The following GRIN3A variants were observed in gnomAD, a reference collection of about 807,000 sequenced individuals.
GRIN3A encodes glutamate ionotropic receptor NMDA type subunit 3A.
In GRIN3A, 47 loss-of-function variants were observed where a neutral mutation model predicts 92.4. The ratio of observed to expected loss-of-function variants is 0.51; its 90% CI spans 0.40 to 0.65. The LOEUF (loss-of-function observed/expected upper bound fraction) is 0.65, where lower values mean the gene tolerates loss of function less well. Ranked by LOEUF, GRIN3A falls within the 30% of genes least tolerant of loss-of-function variation. The pLI is 0.00. For missense variants in GRIN3A, 1,324 were observed against 1,393.1 expected, an observed-to-expected ratio of 0.95 and a Z score of 0.79; for synonymous variants, 527 against 540.6, an observed-to-expected ratio of 0.97 and a Z score of 0.35.
In GRIN3A at chr9:101,687,046, T is replaced by A. The variant is rs756353774; in HGVS notation, c.854A>T (p.Asn285Ile). Residue 285 changes from asparagine to isoleucine, a missense_variant, in exon 2 of 9, where the codon AAT (asparagine) becomes ATT (isoleucine). Coordinates refer to ENST00000361820, the MANE Select transcript of GRIN3A (RefSeq NM_133445.3). ...AGAACCAAGGTGGAACTTGGAATTA[T>A]TCTGGGTAAGGAGGAGGAAGTCGGT... ...NITDFLLLTQ[N>I]NSKFHLGSII... 1 of 1,614,102 alleles carries A rather than the reference T, an allele frequency of 6.2e-7. No homozygotes were observed. Among genetic ancestry groups the A allele is most frequent in the Admixed American group, 1.7e-5 (1 of 60,008 alleles).
chr9:101,625,598 C>A (rs1002977494), intron 4 of GRIN3A, among the ~76,000 whole-genome samples: 1 of 152,154 alleles, frequency 6.6e-6, no homozygotes, highest in Admixed American at 6.5e-5. Context: ...AAAGGGGTAT[C>A]AGATTTAAGT....
intron 1 of GRIN3A, among the ~76,000 whole-genome samples, chr9:101,716,946 CT>C (rs1342019629): frequency 6.6e-6 from 1 of 152,170 alleles, no homozygotes; most frequent in Non-Finnish European, 1.5e-5. Context: ...TAGTAGCTGG[CT>C]GGCTGCTGTA....
At chr9:101,575,684 A>G (rs1277615910) in intron 8 of GRIN3A, among the ~76,000 whole-genome samples, 2 of 152,110 alleles carry the variant, frequency 1.3e-5, no homozygotes, top group Non-Finnish European at 2.9e-5. Flanking sequence ...TCATTTATCT[A>G]TTTGCTCTTT....
chr9:101,603,232 C>T (rs1459077630), intron 6 of GRIN3A, among the ~76,000 whole-genome samples: 3 of 151,948 alleles, frequency 2.0e-5, no homozygotes, highest in Non-Finnish European at 4.4e-5. Flanking sequence ...CTGCTTTTTT[C>T]GAGATGGGAC....
intron 3 of GRIN3A, among the ~76,000 whole-genome samples, chr9:101,668,320 T>A (rs1829269941): frequency 6.6e-6 from 1 of 152,096 alleles, no homozygotes; most frequent in South Asian, 2.1e-4. Context: ...GTTCATCTTT[T>A]TACATAAGAT....
In GRIN3A at chr9:101,577,811, C is replaced by T. The variant is rs866677056; in HGVS notation, c.2965G>A (p.Glu989Lys). Residue 989 changes from glutamate (E) to lysine (K), a missense_variant, in exon 8 of 9, where the codon GAG (glutamate) becomes AAG (lysine). Glu to Lys is a moderately conservative substitution (Grantham distance 56). Transcript: ENST00000361820. ...GTCTTGAAATGCTGCTGCTTTTCCTCTATAAATGATGTATTTATTGCTCTG... is the reference window on the plus strand; with the variant it reads ...GTCTTGAAATGCTGCTGCTTTTCCTTTATAAATGATGTATTTATTGCTCTG... ...LHRAINTSFI[E>K]EKQQHFKTKR... 6.2e-7 allele frequency: 1 copy of T among 1,612,890 alleles called. No homozygotes were observed. The highest frequency in any genetic ancestry group is 8.5e-7 in the Non-Finnish European group (1 of 1,179,502).
intron 6 of GRIN3A, among the ~76,000 whole-genome samples, chr9:101,581,915 T>C (rs1157647354): frequency 6.6e-6 from 1 of 152,162 alleles, no homozygotes; most frequent in East Asian, 1.9e-4. Context: ...GCAACTTGCC[T>C]TATCTTTATG....
intron 1 of GRIN3A, among the ~76,000 whole-genome samples, chr9:101,732,275 G>A (rs1830148248): frequency 6.6e-6 from 1 of 152,180 alleles, no homozygotes; most frequent in Non-Finnish European, 1.5e-5. Flanking sequence ...TTGCTTTGTG[G>A]TGTAGTTGGC....
At chr9:101,631,047 A>G (rs1023575706) in intron 3 of GRIN3A, among the ~76,000 whole-genome samples, 3 of 152,194 alleles carry the variant, frequency 2.0e-5, no homozygotes, top group Non-Finnish European at 4.4e-5. Flanking sequence ...GTAAGCCCTT[A>G]CAGTACATAT....
intron 1 of GRIN3A, among the ~76,000 whole-genome samples, chr9:101,730,053 C>T (rs1467771371): frequency 6.6e-6 from 1 of 152,160 alleles, no homozygotes; most frequent in South Asian, 2.1e-4. Context: ...ACCTAATAGA[C>T]CAAAACATGC....
chr9:101,632,425 T>C (rs939030865), intron 3 of GRIN3A, among the ~76,000 whole-genome samples: 4 of 152,218 alleles, frequency 2.6e-5, no homozygotes, highest in Non-Finnish European at 5.9e-5. Context: ...ATTATTATCA[T>C]TGTTATGCAA....
At chr9:101,693,506 C>T (rs987794996) in intron 1 of GRIN3A, among the ~76,000 whole-genome samples, 1 of 152,070 alleles carries the variant, frequency 6.6e-6, no homozygotes, top group African/African-American at 2.4e-5. Context: ...ATACTGTTCC[C>T]TCTACTTGAT....
intron 1 of GRIN3A, among the ~76,000 whole-genome samples, chr9:101,701,290 G>A (rs1829748768): frequency 1.3e-5 from 2 of 152,040 alleles, no homozygotes; most frequent in Admixed American, 1.3e-4. Context: ...GTATGTCATG[G>A]GGGTTTGTTG....
chr9:101,674,831 G>A (rs1193754366), intron 2 of GRIN3A, among the ~76,000 whole-genome samples: 8 of 151,930 alleles, frequency 5.3e-5, no homozygotes, highest in Non-Finnish European at 1.0e-4. Context: ...CATAATAATC[G>A]GATTGGAGAG....
At chr9:101,577,222 A>G (rs1321164709) in intron 8 of GRIN3A, among the ~76,000 whole-genome samples, 6 of 152,208 alleles carry the variant, frequency 3.9e-5, no homozygotes, top group African/African-American at 1.4e-4. Flanking sequence ...CATATTTCCA[A>G]TACTCTGTTC....
rs71509734 is a variant in GRIN3A at position 101,573,337 on chromosome 9, T to C, written c.3185A>G (p.Asn1062Ser). ...TACATTTAGGGAGTCTGCTTTCCCATTGGTGGTCCGCAAGGCAGGGAGCTC... is the reference window on the plus strand; with the variant it reads ...TACATTTAGGGAGTCTGCTTTCCCACTGGTGGTCCGCAAGGCAGGGAGCTC... Reference protein sequence around the residue: ...RRELPALRTTNGKADSLNVSR... With the variant: ...RRELPALRTTSGKADSLNVSR... The change falls in exon 9 of 9, where the codon AAT (asparagine) becomes AGT (serine). Residue 1062 changes from asparagine to serine, a missense_variant. By Grantham distance (46) the Asn-to-Ser change is conservative. Coordinates refer to ENST00000361820, the MANE Select transcript of GRIN3A (RefSeq NM_133445.3). 0.01 allele frequency: 16,570 copies of C among 1,614,028 alleles called. 106 individuals are homozygous for C. The highest frequency in any genetic ancestry group is 0.013 in the Non-Finnish European group (15,115 of 1,179,966).
At chr9:101,636,709 T>G (rs1291945671) in intron 3 of GRIN3A, among the ~76,000 whole-genome samples, 1 of 152,232 alleles carries the variant, frequency 6.6e-6, no homozygotes, top group East Asian at 1.9e-4. Context: ...CTAATGATAA[T>G]TTAATCCAAA....
chr9:101,673,796 A>G (rs574439463), intron 2 of GRIN3A, among the ~76,000 whole-genome samples: 1 of 152,230 alleles, frequency 6.6e-6, no homozygotes, highest in Non-Finnish European at 1.5e-5. Context: ...CTAGAGTTAC[A>G]GGGATGAAAG....
In GRIN3A at chr9:101,571,269, C is replaced by T. The variant is rs548292179; in HGVS notation, c.*1905G>A. On this transcript the variant is annotated 3_prime_UTR_variant, in exon 9 of 9. Coordinates refer to ENST00000361820, the MANE Select transcript of GRIN3A (RefSeq NM_133445.3). Reference sequence around the variant, plus strand: ...CCACATCCATATCAGTATCTCTGAGCCTCCCTCCACTCCAGGGTTTTCTCA... The same window carrying T: ...CCACATCCATATCAGTATCTCTGAGTCTCCCTCCACTCCAGGGTTTTCTCA... 1.3e-5 allele frequency: 2 copies of T among 152,242 alleles called. No homozygotes were observed. Among genetic ancestry groups the T allele is most frequent in the African/African-American group, 4.8e-5 (2 of 41,508 alleles). 9.4% of individuals were successfully genotyped at this position (152,242 alleles called of 1,614,324 possible).
Sources: allele counts gnomAD v4.1 joint callset (sites outside exome capture counted in the v4.1 genomes callset), GRCh38; gene constraint gnomAD v4.1.1; transcripts MANE v1.5; gene names NCBI Gene and HGNC (gene_info 2026-07-23, HGNC 2026-07-21).